Variants in ZNF362 observed in about 807,000 individuals in gnomAD.
The protein encoded by ZNF362 is rotund homolog.
A neutral mutation model predicts 42.9 loss-of-function variants in ZNF362; 11 were observed. That is an observed-to-expected ratio of 0.26 (90% CI 0.16 to 0.42). The LOEUF (loss-of-function observed/expected upper bound fraction) is 0.42, where lower values mean the gene tolerates loss of function less well. Ranked by LOEUF, ZNF362 falls within the 20% of genes least tolerant of loss-of-function variation. ZNF362 has a pLI of 1.00. For missense variants in ZNF362, 362 were observed against 576.2 expected (o/e 0.63, Z 3.81); for synonymous variants, 255 against 257.3 (o/e 0.99, Z 0.09).
chr1:33,258,828 G>A (rs1266177016), intron 1 of ZNF362, among the ~76,000 whole-genome samples: 1 of 152,200 alleles, frequency 6.6e-6, no homozygotes, highest in Non-Finnish European at 1.5e-5. Context: ...AACTCAGTTA[G>A]GGTTAAATTG....
chr1:33,283,774 C>T (rs568325516), intron 6 of ZNF362, among the ~76,000 whole-genome samples: 1 of 152,294 alleles, frequency 6.6e-6, no homozygotes, highest in South Asian at 2.1e-4. Context: ...TCTGTTTTCT[C>T]GTTACCATGC....
intron 1 of ZNF362, among the ~76,000 whole-genome samples, chr1:33,262,896 A>T (rs1203587928): frequency 1.3e-5 from 2 of 152,208 alleles, no homozygotes; most frequent in Non-Finnish European, 2.9e-5. Context: ...GCATGCACAC[A>T]CGGTATGCAC....
At position 33,281,840 on chromosome 1, in the gene ZNF362, A is replaced by T; in HGVS notation, c.908+29A>T. ...AGTGGCCTGCCTGCTGCCCTGCTGC[A>T]GCCCGACTCAGCTCAGCACCCGTGG... On this transcript the variant is annotated intron_variant, in intron 6 of 8. Coordinates refer to ENST00000539719, the MANE Select transcript of ZNF362 (RefSeq NM_152493.3). The surrounding 1 kb of genome is among the most constrained non-coding windows in gnomAD (Gnocchi z 4.8). 2 of 1,609,400 alleles carry T rather than the reference A, an allele frequency of 1.2e-6. No homozygotes were observed. The highest frequency in any genetic ancestry group is 1.7e-6 in the Non-Finnish European group (2 of 1,176,404).
the ZNF362 span, chr1:33,159,784 A>G: frequency 6.2e-7 from 1 of 1,613,820 alleles, no homozygotes; most frequent in East Asian, 2.2e-5. The surrounding 1 kb of genome is among the most constrained non-coding windows in gnomAD (Gnocchi z 4.2). Flanking sequence ...GACCTTGCGC[A>G]GCTGCTGGCT....
rs1646152448 is a variant in ZNF362, at chr1:33,299,680, A to G, written c.*634A>G. 2 of 137,978 alleles carry G rather than the reference A, an allele frequency of 1.4e-5. No homozygotes were observed. Among genetic ancestry groups the G allele is most frequent in the African/African-American group, 2.8e-5 (1 of 36,306 alleles). The allele number at this position is 137,978 out of a possible 1,614,324, so 8.5% of individuals were successfully genotyped here. ...GGCAGCTTCAGGAGGCAGAAACGAG[A>G]GGGGTGGGAGATCCACAGGACCAAA... is the stretch of plus-strand genomic sequence containing the variant. On this transcript the variant is annotated 3_prime_UTR_variant, in exon 9 of 9. Coordinates refer to ENST00000539719, the MANE Select transcript of ZNF362 (RefSeq NM_152493.3).
At chr1:33,216,720 C>A in the ZNF362 span, among the ~76,000 whole-genome samples, 1 of 150,814 alleles carries the variant, frequency 6.6e-6, no homozygotes, top group East Asian at 2.0e-4. Flanking sequence ...AAGCTTCGCA[C>A]TTATAGAAGG....
Position 33,300,491 on chromosome 1 carries a change from A to G in ZNF362, c.*1445A>G, listed in dbSNP as rs1255633744. 6.6e-6 allele frequency: 1 copy of G among 152,390 alleles called. No individual in the cohort carries two copies. Among genetic ancestry groups the G allele is most frequent in the Non-Finnish European group, 1.5e-5 (1 of 68,032 alleles). The allele number at this position is 152,390 out of a possible 1,614,324, so 9.4% of individuals were successfully genotyped here. ...CTAGTTACCTTATTAAAAAAGAAAA[A>G]ACAGTCTGTTGGCTTCTCAGTCTGC... On this transcript the variant is annotated 3_prime_UTR_variant, in exon 9 of 9. Coordinates refer to ENST00000539719, the MANE Select transcript of ZNF362 (RefSeq NM_152493.3).
intron 2 of ZNF362, among the ~76,000 whole-genome samples, 171 bp from the exon 3 acceptor site, chr1:33,275,929 A>T (rs1227218715): frequency 1.3e-5 from 2 of 151,800 alleles, no homozygotes; most frequent in Admixed American, 1.3e-4. Flanking sequence ...TTCAGCCTGG[A>T]GATGTGGCTT....
the ZNF362 span, among the ~76,000 whole-genome samples, chr1:33,236,063 A>G: frequency 6.6e-6 from 1 of 152,156 alleles, no homozygotes; most frequent in Non-Finnish European, 1.5e-5. Context: ...CTAACTGTGC[A>G]GCCCACAGCA....
chr1:33,165,348 C>T, the ZNF362 span: 2 of 896,046 alleles, frequency 2.2e-6, no homozygotes, highest in Non-Finnish European at 1.7e-6. This position sits in a 1 kb window ranked among gnomAD's most constrained non-coding sequence, Gnocchi z 4.0. Flanking sequence ...CCAGGTTTGG[C>T]TCCTTGAAGC....
At chr1:33,214,789 C>A in the ZNF362 span, among the ~76,000 whole-genome samples, 1 of 152,126 alleles carries the variant, frequency 6.6e-6, no homozygotes, top group Non-Finnish European at 1.5e-5. Context: ...ATGAAAACTA[C>A]AATGAGATAT....
At chr1:33,129,957 T>C in the ZNF362 span, among the ~76,000 whole-genome samples, 2 of 152,108 alleles carry the variant, frequency 1.3e-5, no homozygotes, top group Non-Finnish European at 2.9e-5. This position sits in a 1 kb window ranked among gnomAD's most constrained non-coding sequence, Gnocchi z 4.1. Context: ...CCTCCCGGGT[T>C]CAAGCGATTC....
At chr1:33,191,289 C>T in the ZNF362 span, among the ~76,000 whole-genome samples, 1 of 152,170 alleles carries the variant, frequency 6.6e-6, no homozygotes, top group South Asian at 2.1e-4. Context: ...TCTGAACCAT[C>T]CCAGCTCCAA....
At chr1:33,199,754 A>T in the ZNF362 span, 1 of 152,264 alleles carries the variant, frequency 6.6e-6, no homozygotes, top group African/African-American at 2.4e-5. Context: ...ATGATGGCTC[A>T]TGCCTGTAAT....
chr1:33,164,279 A>G, the ZNF362 span: 7 of 152,392 alleles, frequency 4.6e-5, no homozygotes, highest in Admixed American at 2.6e-4. Context: ...CTGGGTTTCC[A>G]ATGGTGTCTT....
chr1:33,293,896 C>T (rs986621213), intron 6 of ZNF362, among the ~76,000 whole-genome samples: 1 of 152,226 alleles, frequency 6.6e-6, no homozygotes, highest in Non-Finnish European at 1.5e-5. Flanking sequence ...GTCACTGCCC[C>T]AGTGTCACCT....
chr1:33,271,099 T>G (rs76946546), intron 2 of ZNF362, among the ~76,000 whole-genome samples: 15 of 152,270 alleles, frequency 9.9e-5, no homozygotes, highest in Middle Eastern at 3.4e-3. Flanking sequence ...CCCCTCTACA[T>G]TGGGCACTCA....
chr1:33,152,319 A>G, the ZNF362 span, among the ~76,000 whole-genome samples: 3 of 152,144 alleles, frequency 2.0e-5, no homozygotes, highest in Non-Finnish European at 4.4e-5. Context: ...TAATTCCAGC[A>G]CTTTGGGAGG....
intron 7 of ZNF362, 25 bp downstream of exon 7, chr1:33,295,040 C>T (rs749528729): frequency 2.2e-5 from 35 of 1,613,668 alleles, no homozygotes; most frequent in East Asian, 4.5e-5. Flanking sequence ...GCCTCCTGCC[C>T]ACCAGGTGCT....
Sources: allele counts gnomAD v4.1 joint callset (sites outside exome capture counted in the v4.1 genomes callset), GRCh38; gene constraint gnomAD v4.1.1; non-coding constraint Gnocchi (gnomAD v3.1); transcripts MANE v1.5; gene names NCBI Gene and HGNC (gene_info 2026-07-23, HGNC 2026-07-21).